SLC35D1: variants seen among roughly 807,000 people sequenced by gnomAD.
SLC35D1 encodes solute carrier family 35 member D1.
Under a neutral mutation model 46.7 loss-of-function variants are expected in SLC35D1, and 31 were observed. That is an observed-to-expected ratio of 0.66 (90% CI 0.50 to 0.90). The LOEUF (loss-of-function observed/expected upper bound fraction) is 0.90, where lower values mean the gene tolerates loss of function less well. Among genes scored for constraint, SLC35D1 ranks in the 40% least tolerant of loss-of-function variants. The pLI, the probability that SLC35D1 is intolerant of heterozygous loss-of-function variation, is 0.00. For missense variants in SLC35D1, 397 were observed against 426.2 expected, an observed-to-expected ratio of 0.93 and a Z score of 0.60; for synonymous variants, 195 against 164.6, an observed-to-expected ratio of 1.18 and a Z score of -1.41.
chr1:66,986,088 C>A, the SLC35D1 span: 1 of 1,053,334 alleles, frequency 9.5e-7, no homozygotes, highest in South Asian at 3.7e-5. Context: ...GATATTGGCA[C>A]ACACAAGGAA....
Position 67,054,031 on chromosome 1 carries a change from T to C in SLC35D1, c.-18A>G, listed in dbSNP as rs201110844. ...TCCGCCATGGCTGCCGCAGCAGCGG[T>C]GGCCTGGCGGCGGGGCCTAGCGGCT... On this transcript the variant is annotated 5_prime_UTR_variant, in exon 1 of 12. Coordinates refer to ENST00000235345, the MANE Select transcript of SLC35D1 (RefSeq NM_015139.3). 101 of 1,603,792 alleles carry C rather than the reference T, an allele frequency of 6.3e-5. No individual in the cohort carries two copies. The East Asian group carries it at 7.9e-4, about 12-fold the overall frequency.
intron 6 of SLC35D1, among the ~76,000 whole-genome samples, chr1:67,048,439 T>C (rs1272775520): frequency 4.6e-5 from 7 of 152,238 alleles, no homozygotes; most frequent in Non-Finnish European, 1.5e-5. Context: ...GCATAGAATT[T>C]TTCTCCAAGG....
At chr1:67,029,479 C>T (rs1667976535) in intron 8 of SLC35D1, among the ~76,000 whole-genome samples, 1 of 152,218 alleles carries the variant, frequency 6.6e-6, no homozygotes, top group Admixed American at 6.5e-5. Context: ...TGGCCTACGA[C>T]TCAGGAGACC....
the SLC35D1 span, chr1:66,986,438 G>C: frequency 1.2e-6 from 2 of 1,612,578 alleles, no homozygotes; most frequent in South Asian, 2.2e-5. Flanking sequence ...TCATTTTTCA[G>C]CCATCAGTTC....
chr1:67,025,670 T>C (rs1667901365), intron 8 of SLC35D1, among the ~76,000 whole-genome samples: 1 of 152,222 alleles, frequency 6.6e-6, no homozygotes. Context: ...AACTGACAAA[T>C]TATATCAAAC....
At chr1:66,987,282 TATC>T in the SLC35D1 span, 527 of 152,818 alleles carry the variant, frequency 3.4e-3, 2 homozygotes, top group African/African-American at 0.012. Flanking sequence ...GTTTTAGTAA[TATC>T]ATGAATTTAA....
At chr1:66,986,160 C>T in the SLC35D1 span, 3 of 1,192,010 alleles carry the variant, frequency 2.5e-6, no homozygotes, top group Non-Finnish European at 3.1e-6. Context: ...ACTTTTCAAA[C>T]TTTTCTAGTT....
In SLC35D1 at chr1:67,052,845, C is replaced by T; in HGVS notation, c.250G>A (p.Val84Met). ...GCCTTTCCCACCCAGAGAACTGCCA[C>T]TGTGGCCACCATCTGTAAACAAGAG... Reference protein sequence around the residue: ...CVGLGQMVATVAVLWVGKALR... With the variant: ...CVGLGQMVATMAVLWVGKALR... The change falls in exon 3 of 12, where the codon GTG (valine) becomes ATG (methionine). Residue 84 changes from valine to methionine, a missense_variant. Transcript: ENST00000235345. 1.2e-6 allele frequency: 2 copies of T among 1,614,176 alleles called. No individual in the cohort carries two copies. The highest frequency in any genetic ancestry group is 1.7e-6 in the Non-Finnish European group (2 of 1,180,022).
At chr1:67,037,068 A>G (rs1381847012) in intron 8 of SLC35D1, among the ~76,000 whole-genome samples, 2 of 152,142 alleles carry the variant, frequency 1.3e-5, no homozygotes. Context: ...AAGAAAACTA[A>G]TAAGAACTCT....
intron 8 of SLC35D1, among the ~76,000 whole-genome samples, chr1:67,033,695 G>A (rs2102320407): frequency 6.6e-6 from 1 of 152,216 alleles, no homozygotes; most frequent in Middle Eastern, 3.4e-3. Context: ...AACTTGATGT[G>A]ATTCCCTCTG....
chr1:67,032,287 T>C (rs1235623191), intron 8 of SLC35D1, among the ~76,000 whole-genome samples: 2 of 152,018 alleles, frequency 1.3e-5, no homozygotes, highest in African/African-American at 4.8e-5. Flanking sequence ...TACGCTTTTA[T>C]TTTTTTTAAA....
At chr1:66,976,129 G>A in the SLC35D1 span, among the ~76,000 whole-genome samples, 1 of 151,272 alleles carries the variant, frequency 6.6e-6, no homozygotes, top group Non-Finnish European at 1.5e-5. Flanking sequence ...TCAGCCTCCC[G>A]AGTAGCTGGG....
chr1:66,994,649 G>GAA (rs60025909), downstream of SLC35D1, among the ~76,000 whole-genome samples: 82 of 145,344 alleles, frequency 5.6e-4, no homozygotes, highest in Admixed American at 2.6e-3. Context: ...GTCTCAAAAA[G>GAA]AAAAAAAAAA....
At chr1:67,008,445 C>CA (rs1426908483) in intron 11 of SLC35D1, 1 of 1,288,496 alleles carries the variant, frequency 7.8e-7, no homozygotes, top group East Asian at 5.6e-5. Flanking sequence ...GTGGCAGATA[C>CA]AGCTGGGAGA....
the SLC35D1 span, chr1:66,976,814 C>A: frequency 9.1e-7 from 1 of 1,098,406 alleles, no homozygotes; most frequent in Non-Finnish European, 1.2e-6. Context: ...GATAATCTTG[C>A]TTTTATATAC....
At chr1:67,005,662 C>A (rs915540524) in intron 11 of SLC35D1, among the ~76,000 whole-genome samples, 4 of 152,150 alleles carry the variant, frequency 2.6e-5, no homozygotes, top group Non-Finnish European at 5.9e-5. Context: ...AATATCCCTC[C>A]AAGGTGTCCA....
chr1:66,976,778 A>G, the SLC35D1 span: 1 of 1,369,104 alleles, frequency 7.3e-7, no homozygotes, highest in South Asian at 1.7e-5. Flanking sequence ...GCTTTTCTAG[A>G]TTTTTCTTGA....
In SLC35D1 at chr1:66,999,590, A is replaced by C. The variant is rs1196502470; in HGVS notation, c.*4750T>G. 6.6e-6 allele frequency: 1 copy of C among 152,296 alleles called. No individual in the cohort carries two copies. Among genetic ancestry groups the C allele is most frequent in the African/African-American group, 2.4e-5 (1 of 41,428 alleles). 9.4% of individuals were successfully genotyped at this position (152,296 alleles called of 1,614,324 possible). ...GTTGATCATCAGCATGAGAAAGAAA[A>C]CATTTGTGAAAAAAATAATCTCTAA... On this transcript the variant is annotated 3_prime_UTR_variant, in exon 12 of 12. Coordinates refer to ENST00000235345, the MANE Select transcript of SLC35D1 (RefSeq NM_015139.3).
At chr1:67,025,971 T>A (rs1002063850) in intron 8 of SLC35D1, among the ~76,000 whole-genome samples, 1 of 152,208 alleles carries the variant, frequency 6.6e-6, no homozygotes, top group Non-Finnish European at 1.5e-5. Flanking sequence ...TATATCATCA[T>A]GTTTTTAATA....
Sources: gnomAD v4.1 joint callset for allele counts (sites outside exome capture counted in the v4.1 genomes callset) on GRCh38, gnomAD v4.1.1 for gene constraint, MANE v1.5 for transcripts, NCBI Gene and HGNC (gene_info 2026-07-23, HGNC 2026-07-21) for gene names.